Variants in SFTPC observed in about 807,000 individuals in gnomAD.
SFTPC encodes the protein BRICHOS domain containing 6.
Under a neutral mutation model 19.9 loss-of-function variants are expected in SFTPC, and 12 were observed. That is an observed-to-expected ratio of 0.60 (90% confidence interval 0.39 to 0.98). The LOEUF is 0.98. Among genes scored for constraint, SFTPC ranks in the 50% least tolerant of loss-of-function variants. SFTPC has a pLI of 0.00. For synonymous variants in SFTPC, 123 were observed against 103.3 expected (o/e 1.19, Z -1.16); for missense variants, 219 against 252.2 (o/e 0.87, Z 0.89).
chr8:22,162,883 C>G, intron 2 of SFTPC, 151 bp downstream of exon 2: 1 of 1,342,228 alleles, frequency 7.5e-7, no homozygotes, highest in Non-Finnish European at 1.1e-6. Context: ...AGGCAGCAAC[C>G]CAGCTCAGGC....
At chr8:22,159,602 G>A (rs1351737524), upstream of SFTPC, 69 of 409,334 alleles carry the variant, frequency 1.7e-4, no homozygotes, top group South Asian at 1.2e-3. Context: ...CCGCCACAGA[G>A]CTTGTGACAG....
upstream of SFTPC, chr8:22,159,700 C>T (rs1483693810): frequency 9.7e-7 from 1 of 1,030,462 alleles, no homozygotes; most frequent in African/African-American, 1.6e-5. Flanking sequence ...TCCCAGCACC[C>T]AGCGATGGCG....
upstream of SFTPC, chr8:22,159,493 T>C (rs1251725873): frequency 3.0e-6 from 1 of 338,818 alleles, no homozygotes; most frequent in Non-Finnish European, 5.8e-6. Context: ...GACCTTCACT[T>C]GGTTGGTGTG....
upstream of SFTPC, among the ~76,000 whole-genome samples, chr8:22,158,088 G>T (rs759466351): frequency 1.3e-5 from 2 of 152,154 alleles, no homozygotes; most frequent in Admixed American, 1.3e-4. Context: ...TCATAGGCAC[G>T]GGGCAAGGGG....
chr8:22,161,520 G>A (rs1269988973), upstream of SFTPC: 10 of 551,870 alleles, frequency 1.8e-5, no homozygotes, highest in East Asian at 3.7e-5. Flanking sequence ...AGGCAGGCAC[G>A]CCAGGAAGAC....
chr8:22,162,033 A>G (rs1430660986), intron 1 of SFTPC, among the ~76,000 whole-genome samples, 163 bp downstream of exon 1: 3 of 152,126 alleles, frequency 2.0e-5, no homozygotes, highest in African/African-American at 7.2e-5. Context: ...CCACTAAGCC[A>G]GGGACCCTTG....
intron 2 of SFTPC, 147 bp downstream of exon 2, chr8:22,162,879 C>T: frequency 7.5e-7 from 1 of 1,341,206 alleles, no homozygotes; most frequent in Non-Finnish European, 1.1e-6. Context: ...AACCAGGCAG[C>T]AACCCAGCTC....
Position 22,163,174 on chromosome 8 carries a change from C to G in SFTPC, c.296C>G (p.Thr99Ser). The G allele has an allele frequency of 6.2e-7, 1 of 1,614,220 alleles. No individual in the cohort carries two copies. ...ACTGCCACCTTCTCCATCGGCTCCA[C>G]TGGCCTCGTGGTGTATGACTACCAG... ...VTTATFSIGSTGLVVYDYQQL... is the reference protein window; with the variant it reads ...VTTATFSIGSSGLVVYDYQQL... Residue 99 changes from threonine (T) to serine (S), a missense_variant, in exon 3 of 6, where the codon ACT becomes AGT. Thr to Ser is a moderately conservative substitution (Grantham distance 58). Coordinates refer to ENST00000679463, the MANE Select transcript of SFTPC (RefSeq NM_001317778.2).
At chr8:22,159,454 T>C, upstream of SFTPC, 1 of 321,938 alleles carries the variant, frequency 3.1e-6, no homozygotes, top group Non-Finnish European at 6.1e-6. Flanking sequence ...CTAAAGGTCC[T>C]TCTGTGTCTC....
rs121917834 is a variant in SFTPC, at chr8:22,163,096, T to A, written c.218T>A (p.Ile73Asn). Residue 73 changes from isoleucine to asparagine, a missense_variant, in exon 3 of 6, where the codon ATT becomes AAT. Physicochemically the swap from Ile to Asn is moderately radical, Grantham distance 149 (BLOSUM62 -3). Coordinates refer to ENST00000679463, the MANE Select transcript of SFTPC (RefSeq NM_001317778.2). ...KHTEMVLEMS[I>N]GAPEAQQRLA... ...TTTCCCCAGGTTCTGGAGATGAGCA[T>A]TGGGGCGCCGGAAGCCCAGCAACGC... 8 of 1,614,092 alleles carry A rather than the reference T, an allele frequency of 5.0e-6. No homozygotes were observed. In the East Asian group the frequency reaches 1.1e-4, roughly 22 times the overall value.
chr8:22,164,332 C>G lies in SFTPC; in HGVS notation c.*85C>G, dbSNP rs1276072750. 1 of 1,536,140 alleles carries G rather than the reference C, an allele frequency of 6.5e-7. No homozygotes were observed. Among genetic ancestry groups the G allele is most frequent in the Non-Finnish European group, 8.7e-7 (1 of 1,146,902 alleles). On this transcript the variant is annotated 3_prime_UTR_variant, in exon 6 of 6. Coordinates refer to ENST00000679463, the MANE Select transcript of SFTPC (RefSeq NM_001317778.2). The stretch of plus-strand genomic sequence containing the variant: ...AAGGGTCTTTTGCAGCTTTTGCAGA[C>G]GGGCAAGAAGCTGCTTCTGCCCACA...
At chr8:22,162,789 G>C (rs965550392) in intron 2 of SFTPC, 57 bp downstream of exon 2, 14 of 1,600,574 alleles carry the variant, frequency 8.7e-6, no homozygotes, top group Admixed American at 6.7e-5. Flanking sequence ...AGCGGGGCTA[G>C]GTGGGATGGG....
At chr8:22,159,486 C>G, upstream of SFTPC, 1 of 337,310 alleles carries the variant, frequency 3.0e-6, no homozygotes, top group Admixed American at 4.2e-5. Flanking sequence ...AACCCAAGAC[C>G]TTCACTTGGT....
In SFTPC at chr8:22,162,665, T is replaced by C. The variant is rs948413532; in HGVS notation, c.134T>C (p.Leu45Pro). Reference sequence around the variant, plus strand: ...CTTATCGTGGTGGTGGTGGTGGTCCTCATCGTCGTGGTGATTGTGGGAGCC... The same window carrying C: ...CTTATCGTGGTGGTGGTGGTGGTCCCCATCGTCGTGGTGATTGTGGGAGCC... ...RLLIVVVVVV[L>P]IVVVIVGALL... is the part of the protein sequence containing the mutation. Residue 45 changes from leucine to proline, a missense_variant, in exon 2 of 6, where the codon CTC (leucine) becomes CCC (proline). Physicochemically the swap from Leu to Pro is moderately conservative, Grantham distance 98 (BLOSUM62 -3). Transcript: ENST00000679463. 3.1e-6 allele frequency: 5 copies of C among 1,614,198 alleles called. No individual in the cohort carries two copies. The highest frequency in any genetic ancestry group is 4.2e-6 in the Non-Finnish European group (5 of 1,180,026).
upstream of SFTPC, chr8:22,161,763 G>T (rs367559125): frequency 6.2e-7 from 1 of 1,613,702 alleles, no homozygotes; most frequent in Admixed American, 1.7e-5. Context: ...CTCTCCCTAC[G>T]GACACATATA....
chr8:22,163,467 C>G lies in SFTPC; in HGVS notation c.356C>G (p.Thr119Ser), dbSNP rs1466932801. Residue 119 changes from threonine (T) to serine (S), a missense_variant, in exon 4 of 6, where the codon ACC becomes AGC. Transcript: ENST00000679463. ...ATCGCCTACAAGCCAGCCCCTGGCA[C>G]CTGCTGCTACATCATGAAGATAGCT... ...LLIAYKPAPG[T>S]CCYIMKIAPE... is the part of the protein sequence containing the mutation. The G allele has an allele frequency of 9.9e-6, 16 of 1,614,100 alleles. No individual in the cohort carries two copies. Among genetic ancestry groups the G allele is most frequent in the Non-Finnish European group, 1.3e-5 (15 of 1,180,014 alleles).
At chr8:22,159,919 G>GGT, upstream of SFTPC, 1 of 962,238 alleles carries the variant, frequency 1.0e-6, no homozygotes, top group Non-Finnish European at 1.4e-6. Context: ...GGCCCTGGGG[G>GGT]AGGGCAGGGG....
upstream of SFTPC, chr8:22,159,172 G>A (rs1160047670): frequency 6.4e-6 from 1 of 155,810 alleles, no homozygotes; most frequent in African/African-American, 2.4e-5. Context: ...TCAGCACTTT[G>A]GAAGGCCAAG....
At chr8:22,161,612 T>G, upstream of SFTPC, 1 of 1,462,730 alleles carries the variant, frequency 6.8e-7, no homozygotes, top group Admixed American at 2.3e-5. Context: ...CCAAGAGGAC[T>G]CATGTGCCAG....
Sources: gnomAD v4.1 joint callset for allele counts (sites outside exome capture counted in the v4.1 genomes callset) on GRCh38, gnomAD v4.1.1 for gene constraint, MANE v1.5 for transcripts, NCBI Gene and HGNC (gene_info 2026-07-23, HGNC 2026-07-21) for gene names.